EYS: variants seen among roughly 807,000 people sequenced by gnomAD.
EYS encodes EGF-like photoreceptor maintenance factor.
A neutral mutation model predicts 282.1 loss-of-function variants in EYS; 250 were observed. The ratio of observed to expected loss-of-function variants is 0.89; its 90% confidence interval spans 0.80 to 0.98. EYS has a LOEUF of 0.98. Ranked by LOEUF, EYS falls within the 50% of genes least tolerant of loss-of-function variation. The pLI, the probability that EYS is intolerant of heterozygous loss-of-function variation, is 0.00. For missense variants in EYS, 4,016 were observed against 3,709.0 expected, an observed-to-expected ratio of 1.08 and a Z score of -2.15; for synonymous variants, 1,355 against 1,282.9, an observed-to-expected ratio of 1.06 and a Z score of -1.20.
At chr6:64,806,154 T>A (rs1764416346) in intron 22 of EYS, among the ~76,000 whole-genome samples, 1 of 151,752 alleles carries the variant, frequency 6.6e-6, no homozygotes, top group African/African-American at 2.4e-5. Context: ...GTTCCATCTT[T>A]TATTTTTGAA....
rs1769278030 is a variant in EYS, at chr6:64,946,002, T to G, written c.2260-88A>C. 11 of 1,015,398 alleles carry G rather than the reference T, an allele frequency of 1.1e-5. 1 individual carries two copies. The South Asian group carries it at 2.3e-4, about 21-fold the overall frequency. The allele number at this position is 1,015,398 out of a possible 1,614,324, so 62.9% of individuals were successfully genotyped here. A position where few individuals can be genotyped will look rare whatever the true frequency, so the allele number is the denominator to read the frequency against. On this transcript the variant is annotated intron_variant, in intron 14 of 42. Coordinates refer to ENST00000503581, the MANE Select transcript of EYS (RefSeq NM_001142800.2). ...TATTACTCCTGGCCATTTTGATATC[T>G]CTGTCAATTTATAATTTTTTTAGTT...
At chr6:63,864,590 C>T (rs942150049) in intron 35 of EYS, among the ~76,000 whole-genome samples, 1 of 152,138 alleles carries the variant, frequency 6.6e-6, no homozygotes, top group Admixed American at 6.5e-5. Flanking sequence ...GCCATGAATT[C>T]TATTTTAAGC....
intron 14 of EYS, among the ~76,000 whole-genome samples, chr6:64,980,297 A>G (rs1583354651): frequency 6.6e-6 from 1 of 151,654 alleles, no homozygotes; most frequent in East Asian, 1.9e-4. Flanking sequence ...GCACAGAAAA[A>G]TTTCAGAGGA....
At chr6:64,198,954 G>C (rs892399198) in intron 31 of EYS, among the ~76,000 whole-genome samples, 3 of 152,156 alleles carry the variant, frequency 2.0e-5, no homozygotes, top group African/African-American at 7.2e-5. Flanking sequence ...CAGTGTAAAA[G>C]CGTTCCTATT....
intron 2 of EYS, among the ~76,000 whole-genome samples, chr6:65,504,326 T>A (rs1171029382): frequency 6.6e-6 from 1 of 151,712 alleles, no homozygotes; most frequent in African/African-American, 2.4e-5. Context: ...TACTGACTTA[T>A]TTAAGGCATT....
Position 65,043,279 on chromosome 6 carries a change from A to G in EYS, c.2137+14335T>C, listed in dbSNP as rs530245368. On this transcript the variant is annotated intron_variant, in intron 13 of 42. Coordinates refer to ENST00000503581, the MANE Select transcript of EYS (RefSeq NM_001142800.2). ...GTAGTAAGTGTTTAAAGCAAATTTT[A>G]TAAGGGTGAATTGTGATGCTTATAA... 7.3e-5 allele frequency among the ~76,000 whole-genome samples: 11 copies of G among 151,670 alleles called. No homozygotes were observed. The South Asian group carries it at 2.1e-3, about 29-fold the overall frequency.
intron 15 of EYS, among the ~76,000 whole-genome samples, chr6:64,926,553 G>T (rs1309220175): frequency 6.6e-6 from 1 of 152,160 alleles, no homozygotes; most frequent in Non-Finnish European, 1.5e-5. Context: ...GCATCATGGA[G>T]GCAATCACTC....
At chr6:64,771,264 T>A (rs909208126) in intron 22 of EYS, among the ~76,000 whole-genome samples, 1 of 151,718 alleles carries the variant, frequency 6.6e-6, no homozygotes, top group African/African-American at 2.4e-5. Context: ...TATTTGTGAT[T>A]CTCCTCTTTC....
intron 12 of EYS, among the ~76,000 whole-genome samples, chr6:65,276,255 C>A (rs1768045134): frequency 6.6e-6 from 1 of 152,020 alleles, no homozygotes; most frequent in African/African-American, 2.4e-5. Flanking sequence ...TCTCCCATTG[C>A]CAGAACTCAT....
intron 1 of EYS, among the ~76,000 whole-genome samples, chr6:65,689,320 AC>A (rs1179533773): frequency 6.7e-6 from 1 of 149,792 alleles, no homozygotes; most frequent in Non-Finnish European, 1.5e-5. Flanking sequence ...TGGGAATTGA[AC>A]AATGAGAACA....
rs530948565 is a variant in EYS at position 63,827,005 on chromosome 6, T to A, written c.7229-20633A>T. The stretch of plus-strand genomic sequence containing the variant: ...ACAGAACAGCAGAATGGATAAGAAC[T>A]CACCAACCATCTGCTGCCTGCAGGA... On this transcript the variant is annotated intron_variant, in intron 36 of 42. Coordinates refer to ENST00000503581, the MANE Select transcript of EYS (RefSeq NM_001142800.2). Among the ~76,000 whole-genome samples, 10 of 152,278 alleles carry A rather than the reference T, an allele frequency of 6.6e-5. No homozygotes were observed. In the South Asian group the frequency reaches 2.1e-3, roughly 32 times the overall value.
intron 2 of EYS, among the ~76,000 whole-genome samples, chr6:65,530,901 A>G (rs1007646090): frequency 6.6e-6 from 1 of 152,172 alleles, no homozygotes; most frequent in Admixed American, 6.5e-5. Context: ...AATAATTCCA[A>G]TAAACATATT....
At chr6:64,880,116 A>G (rs1306157441) in intron 19 of EYS, among the ~76,000 whole-genome samples, 2 of 152,006 alleles carry the variant, frequency 1.3e-5, no homozygotes, top group African/African-American at 2.4e-5. Context: ...AAGCATAGTC[A>G]TTGCTAAACA....
chr6:64,572,746 A>C (rs1372114157), intron 26 of EYS, among the ~76,000 whole-genome samples: 1 of 152,122 alleles, frequency 6.6e-6, no homozygotes, highest in Non-Finnish European at 1.5e-5. Flanking sequence ...GGAGAAGTAC[A>C]AACCACTGCT....
chr6:63,733,498 A>G (rs533736518), intron 41 of EYS, among the ~76,000 whole-genome samples: 12 of 149,014 alleles, frequency 8.1e-5, no homozygotes, highest in African/African-American at 2.7e-4. Context: ...ATCTGTTTGT[A>G]CTCAGTGTTT....
intron 37 of EYS, among the ~76,000 whole-genome samples, chr6:63,794,808 A>G (rs1267915678): frequency 6.6e-6 from 1 of 152,220 alleles, no homozygotes; most frequent in Non-Finnish European, 1.5e-5. Context: ...CATGAAAAGA[A>G]TTGGAACCAA....
intron 31 of EYS, among the ~76,000 whole-genome samples, chr6:64,211,508 G>C (rs1460006600): frequency 6.6e-6 from 1 of 151,020 alleles, no homozygotes; most frequent in Admixed American, 6.6e-5. Flanking sequence ...TTATGTGAAT[G>C]ATATCTACCC....
intron 5 of EYS, among the ~76,000 whole-genome samples, chr6:65,466,263 G>T (rs1031827779): frequency 1.3e-5 from 2 of 152,004 alleles, no homozygotes; most frequent in East Asian, 1.9e-4. Flanking sequence ...TTTTATTGAA[G>T]AATTTTGTAT....
intron 22 of EYS, among the ~76,000 whole-genome samples, chr6:64,792,314 T>A (rs750794155): frequency 1.2e-4 from 19 of 152,096 alleles, no homozygotes; most frequent in Non-Finnish European, 1.8e-4. Flanking sequence ...TGGATCAGCA[T>A]TAGATCATAT....
Sources: allele counts gnomAD v4.1 joint callset (sites outside exome capture counted in the v4.1 genomes callset), GRCh38; gene constraint gnomAD v4.1.1; transcripts MANE v1.5; gene names NCBI Gene and HGNC (gene_info 2026-07-23, HGNC 2026-07-21).